The following SLC5A5 variants were observed in gnomAD, a reference collection of about 807,000 sequenced individuals.
SLC5A5 encodes solute carrier family 5 member 5.
In SLC5A5, 56 loss-of-function variants were observed where a neutral mutation model predicts 68.6. The ratio of observed to expected loss-of-function variants is 0.82; its 90% CI spans 0.66 to 1.02. The LOEUF (loss-of-function observed/expected upper bound fraction) is 1.02. Among genes scored for constraint, SLC5A5 ranks in the 50% least tolerant of loss-of-function variants. SLC5A5 has a pLI of 0.00. For missense variants in SLC5A5, 807 were observed against 859.8 expected, an observed-to-expected ratio of 0.94 and a Z score of 0.77; for synonymous variants, 398 against 373.0, an observed-to-expected ratio of 1.07 and a Z score of -0.77.
chr19:17,875,759 A>G (rs1440388506), intron 4 of SLC5A5, among the ~76,000 whole-genome samples, 193 bp from the exon 5 acceptor site: 1 of 151,554 alleles, frequency 6.6e-6, no homozygotes, highest in African/African-American at 2.4e-5. Flanking sequence ...GCCTGGGCAA[A>G]AGACAGAAAC....
intron 13 of SLC5A5, among the ~76,000 whole-genome samples, chr19:17,889,601 T>G (rs2030084492): frequency 6.6e-6 from 1 of 151,970 alleles, no homozygotes; most frequent in Admixed American, 6.6e-5. Flanking sequence ...TCCTCCCGAG[T>G]AGCTGAGACT....
intron 14 of SLC5A5, among the ~76,000 whole-genome samples, chr19:17,892,720 T>C (rs2030235549): frequency 2.2e-5 from 3 of 138,834 alleles, no homozygotes; most frequent in Admixed American, 7.4e-5. Context: ...GAAAAACGTG[T>C]AGGGTCTCAG....
At chr19:17,877,657 G>C in intron 5 of SLC5A5, 66 bp from the exon 6 acceptor site, 2 of 1,601,646 alleles carry the variant, frequency 1.2e-6, no homozygotes, top group Non-Finnish European at 1.7e-6. Context: ...GCGCTGTCTG[G>C]GGCCCTTGGG....
chr19:17,894,133 T>C lies in SLC5A5; in HGVS notation c.*256T>C, dbSNP rs527241494. ...GCTCCCCCCAAATAAGGCTGGGTTTTTCTCTCTCTCTTTTTTTTTTTTTTT... is the reference window on the plus strand; with the variant it reads ...GCTCCCCCCAAATAAGGCTGGGTTTCTCTCTCTCTCTTTTTTTTTTTTTTT... On this transcript the variant is annotated 3_prime_UTR_variant, in exon 15 of 15. Transcript: ENST00000222248. The C allele has an allele frequency of 1.7e-3, 825 of 481,224 alleles. 4 individuals are homozygous for C. The highest frequency in any genetic ancestry group is 0.012 in the African/African-American group (608 of 48,732). 29.8% of individuals were successfully genotyped at this position (481,224 alleles called of 1,614,324 possible).
At chr19:17,886,432 C>T (rs527659225) in intron 12 of SLC5A5, among the ~76,000 whole-genome samples, 7 of 151,098 alleles carry the variant, frequency 4.6e-5, no homozygotes, top group South Asian at 4.2e-4. Flanking sequence ...TTCAGCCTCC[C>T]GAGTAGCTGG....
chr19:17,887,852 C>T (rs979014197), intron 12 of SLC5A5, among the ~76,000 whole-genome samples: 4 of 150,676 alleles, frequency 2.7e-5, no homozygotes, highest in East Asian at 2.0e-4. Flanking sequence ...GTGATCCACC[C>T]GCCTTGGCCT....
chr19:17,872,609 A>G lies in SLC5A5; in HGVS notation c.290A>G (p.Asn97Ser). The G allele has an allele frequency of 1.2e-6, 2 of 1,612,124 alleles. No homozygotes were observed. The highest frequency in any genetic ancestry group is 1.7e-6 in the Non-Finnish European group (2 of 1,179,806). Residue 97 changes from asparagine to serine, a missense_variant, in exon 1 of 15, where the codon AAC (asparagine) becomes AGC (serine). Asn to Ser is a conservative substitution (Grantham distance 46, BLOSUM62 1). Coordinates refer to ENST00000222248, the MANE Select transcript of SLC5A5 (RefSeq NM_000453.3). ...TGGATGTGCCTGGGCCAGCTTCTGA[A>G]CTCGGTCCTCACCGCCCTGCTCTTC... ...FLWMCLGQLL[N>S]SVLTALLFMP...
Position 17,878,085 on chromosome 19 carries a change from C to T in SLC5A5, c.961C>T (p.Pro321Ser), listed in dbSNP as rs138158867. 1 of 1,611,450 alleles carries T rather than the reference C, an allele frequency of 6.2e-7. No homozygotes were observed. The change falls in exon 7 of 15, where the codon CCA (proline) becomes TCA (serine). Residue 321 changes from proline to serine, a missense_variant. Transcript: ENST00000222248. ...DPLLLGRISA[P>S]DQYMPLLVLD... ...TCTCCTCCTGGGGCGCATCTCTGCC[C>T]CAGACCAGGTGAGTCCCACCCAGGC... is the stretch of plus-strand genomic sequence containing the variant.
At chr19:17,883,304 GA>G (rs1223446761) in intron 10 of SLC5A5, among the ~76,000 whole-genome samples, 2 of 129,148 alleles carry the variant, frequency 1.5e-5, no homozygotes, top group Non-Finnish European at 3.5e-5. Context: ...TGGGGTGGGG[GA>G]ATTGGGAAGG....
intron 10 of SLC5A5, among the ~76,000 whole-genome samples, 193 bp downstream of exon 10, chr19:17,882,412 T>C (rs1039584131): frequency 2.6e-5 from 4 of 151,898 alleles, no homozygotes; most frequent in African/African-American, 7.3e-5. Context: ...CATAGCTCAC[T>C]GCAACCTCCA....
chr19:17,892,972 T>C (rs1469807969), intron 14 of SLC5A5, among the ~76,000 whole-genome samples: 1 of 151,702 alleles, frequency 6.6e-6, no homozygotes, highest in African/African-American at 2.4e-5. Context: ...TTTTCTTTCT[T>C]TCCTCTTTTC....
chr19:17,893,451 G>T (rs556650785), intron 14 of SLC5A5, among the ~76,000 whole-genome samples: 1 of 152,252 alleles, frequency 6.6e-6, no homozygotes, highest in South Asian at 2.1e-4. Flanking sequence ...GCAGAGAAAG[G>T]AGGGAGGAAC....
Position 17,883,769 on chromosome 19 carries a change from T to C in SLC5A5, c.1329+2T>C. ...TTCCTGCCGGCCTGCAACACACCGG[T>C]GAGTGGGGGCGGGGCAAGGGGCGGG... On this transcript the variant is annotated splice_donor_variant, in intron 11 of 14. Coordinates refer to ENST00000222248, the MANE Select transcript of SLC5A5 (RefSeq NM_000453.3). LOFTEE classifies it high-confidence loss of function. 1 of 1,075,990 alleles carries C rather than the reference T, an allele frequency of 9.3e-7. No individual in the cohort carries two copies. Among genetic ancestry groups the C allele is most frequent in the African/African-American group, 2.1e-5 (1 of 47,738 alleles). 66.7% of individuals were successfully genotyped at this position (1,075,990 alleles called of 1,614,324 possible).
chr19:17,885,884 G>A (rs942243346), intron 12 of SLC5A5, among the ~76,000 whole-genome samples: 7 of 151,116 alleles, frequency 4.6e-5, no homozygotes, highest in Non-Finnish European at 8.9e-5. Flanking sequence ...TTTTTGAGAC[G>A]GGGTTTCACT....
At chr19:17,873,089 CCT>C (rs920769222) in intron 1 of SLC5A5, among the ~76,000 whole-genome samples, 1 of 152,204 alleles carries the variant, frequency 6.6e-6, no homozygotes, top group Non-Finnish European at 1.5e-5. Flanking sequence ...AAGGGGCGTG[CCT>C]CTCTGTTTGG....
At chr19:17,891,525 A>G (rs1029568207) in intron 14 of SLC5A5, among the ~76,000 whole-genome samples, 16 of 152,058 alleles carry the variant, frequency 1.1e-4, no homozygotes, top group African/African-American at 3.9e-4. Context: ...AGTTTTTGTT[A>G]TCTCCCTTCA....
rs2094311037 is a variant in SLC5A5 at position 17,877,809 on chromosome 19, A to G, written c.785A>G (p.Asn262Ser). 1 of 1,614,078 alleles carries G rather than the reference A, an allele frequency of 6.2e-7. No individual in the cohort carries two copies. Residue 262 changes from asparagine (N) to serine (S), a missense_variant, in exon 6 of 15, where the codon AAC becomes AGC. By Grantham distance (46) the Asn-to-Ser change is conservative. Transcript: ENST00000222248. Reference sequence around the variant, plus strand: ...GTGTGGCTCTCCATGTATGGCGTGAACCAGGCGCAGGTGCAGCGCTACGTG... The same window carrying G: ...GTGTGGCTCTCCATGTATGGCGTGAGCCAGGCGCAGGTGCAGCGCTACGTG... ...TLVWLSMYGV[N>S]QAQVQRYVAC... is the part of the protein sequence containing the mutation.
intron 14 of SLC5A5, among the ~76,000 whole-genome samples, chr19:17,892,529 C>G (rs560646159): frequency 5.9e-5 from 9 of 151,810 alleles, no homozygotes; most frequent in African/African-American, 1.9e-4. Context: ...TCCAGCTATT[C>G]GGAAGGCTGA....
At chr19:17,886,600 G>A (rs1358499879) in intron 12 of SLC5A5, among the ~76,000 whole-genome samples, 1 of 152,068 alleles carries the variant, frequency 6.6e-6, no homozygotes, top group Non-Finnish European at 1.5e-5. Context: ...GAGCCACCAC[G>A]CCCGGCCTAT....
Sources: gnomAD v4.1 joint callset for allele counts (sites outside exome capture counted in the v4.1 genomes callset) on GRCh38, gnomAD v4.1.1 for gene constraint, MANE v1.5 for transcripts, NCBI Gene and HGNC (gene_info 2026-07-23, HGNC 2026-07-21) for gene names.